Variants in HGD observed in about 807,000 individuals in gnomAD.
The protein encoded by HGD is homogentisate oxidase.
In HGD, 61 loss-of-function variants were observed where a neutral mutation model predicts 60.8. That is an observed-to-expected ratio of 1.00 (90% CI 0.82 to 1.24). HGD has a LOEUF of 1.24. HGD is among the 50% of genes most tolerant of loss of function. The pLI, the probability that HGD is intolerant of heterozygous loss-of-function variation, is 0.00. For missense variants in HGD, 542 were observed against 547.1 expected (o/e 0.99, Z 0.09); for synonymous variants, 212 against 187.7 (o/e 1.13, Z -1.06).
chr3:120,670,297 A>G lies in HGD; in HGVS notation c.282+130T>C. The G allele has an allele frequency of 1.4e-5, 10 of 700,346 alleles. No homozygotes were observed. In the South Asian group the frequency reaches 1.5e-4, roughly 11 times the overall value. The allele number at this position is 700,346 out of a possible 1,614,324, so 43.4% of individuals were successfully genotyped here. Reference sequence around the variant, plus strand: ...CCAAGTTTGAGCAGAAAACAGACACACTTTAGCATTTATTAAAATAATACT... The same window carrying G: ...CCAAGTTTGAGCAGAAAACAGACACGCTTTAGCATTTATTAAAATAATACT... On this transcript the variant is annotated intron_variant, in intron 4 of 13. Transcript: ENST00000283871.
intron 1 of HGD, among the ~76,000 whole-genome samples, chr3:120,678,401 T>C (rs972116438): frequency 6.6e-6 from 1 of 152,202 alleles, no homozygotes; most frequent in Non-Finnish European, 1.5e-5. Flanking sequence ...GCATTGTTTC[T>C]CTCTGCAAGA....
intron 4 of HGD, among the ~76,000 whole-genome samples, chr3:120,667,151 C>T (rs1707916169): frequency 6.6e-6 from 1 of 151,218 alleles, no homozygotes. Flanking sequence ...ATGGTAAAAC[C>T]CTTTCTCTAC....
chr3:120,638,353 T>A, intron 12 of HGD, 102 bp downstream of exon 12: 1 of 1,390,064 alleles, frequency 7.2e-7, no homozygotes, highest in Non-Finnish European at 1.0e-6. Flanking sequence ...CATGCCATGG[T>A]GGGTGTCCAG....
At chr3:120,660,889 A>G (rs539064070) in intron 4 of HGD, among the ~76,000 whole-genome samples, 2 of 152,202 alleles carry the variant, frequency 1.3e-5, no homozygotes, top group Non-Finnish European at 2.9e-5. Context: ...TTGGATTCTC[A>G]TTTGACCTTG....
At chr3:120,647,679 G>A (rs1052922828) in intron 7 of HGD, among the ~76,000 whole-genome samples, 198 bp downstream of exon 7, 11 of 152,182 alleles carry the variant, frequency 7.2e-5, no homozygotes, top group Non-Finnish European at 1.6e-4. Context: ...GAGAGACAAG[G>A]AAATAGAGTA....
In HGD at chr3:120,670,489, C is replaced by G; in HGVS notation, c.220G>C (p.Glu74Gln). The change falls in exon 4 of 14, where the codon GAA becomes CAA. Residue 74 changes from glutamate to glutamine, a missense_variant. Transcript: ENST00000283871. ...GTGACTTGGCCTTCGTCAATGGATT[C>G]AAAGGGCTTGTGAGAAACTGAAGGT... ...ILPSVSHKPF[E>Q]SIDEGQVTHN... The G allele has an allele frequency of 6.2e-7, 1 of 1,611,110 alleles. No homozygotes were observed.
intron 1 of HGD, chr3:120,678,108 C>T (rs1708166839): frequency 6.6e-6 from 1 of 152,126 alleles, no homozygotes; most frequent in Non-Finnish European, 1.5e-5. Context: ...TTTGTCAACA[C>T]AAAAAATACT....
intron 4 of HGD, among the ~76,000 whole-genome samples, chr3:120,669,013 C>G (rs1216558685): frequency 6.6e-6 from 1 of 152,106 alleles, no homozygotes; most frequent in East Asian, 1.9e-4. Flanking sequence ...ACTCTGCAAG[C>G]AGAGTACGTA....
At chr3:120,646,542 A>T (rs1941169966) in intron 8 of HGD, among the ~76,000 whole-genome samples, 176 bp from the exon 9 acceptor site, 1 of 152,170 alleles carries the variant, frequency 6.6e-6, no homozygotes, top group Non-Finnish European at 1.5e-5. Flanking sequence ...AGAAATTTTT[A>T]AAATTCAGTT....
At chr3:120,677,337 A>C (rs1481241042) in intron 1 of HGD, among the ~76,000 whole-genome samples, 1 of 152,194 alleles carries the variant, frequency 6.6e-6, no homozygotes, top group African/African-American at 2.4e-5. Flanking sequence ...ATATCGCTGA[A>C]TTCTTTTTCT....
chr3:120,630,068 A>G (rs182696290), intron 13 of HGD, among the ~76,000 whole-genome samples: 126 of 152,284 alleles, frequency 8.3e-4, no homozygotes, highest in Non-Finnish European at 1.6e-3. Context: ...CCCTAACCAG[A>G]GAGGTGAAAG....
chr3:120,642,633 T>C (rs992413946), intron 10 of HGD, among the ~76,000 whole-genome samples: 4 of 152,218 alleles, frequency 2.6e-5, no homozygotes, highest in Admixed American at 6.5e-5. Flanking sequence ...AAATACACAG[T>C]TGGACAGAAG....
chr3:120,680,894 A>T (rs1559805120), intron 1 of HGD, among the ~76,000 whole-genome samples: 1 of 152,220 alleles, frequency 6.6e-6, no homozygotes, highest in Non-Finnish European at 1.5e-5. Context: ...CAGTTTAGGT[A>T]CAGGCTCCTT....
chr3:120,663,753 A>C (rs570192346), intron 4 of HGD, among the ~76,000 whole-genome samples: 1 of 141,186 alleles, frequency 7.1e-6, no homozygotes, highest in Non-Finnish European at 1.5e-5. Flanking sequence ...AATGGAAAAA[A>C]TTCAAATATC....
At chr3:120,647,227 A>G (rs1236663755) in intron 7 of HGD, among the ~76,000 whole-genome samples, 175 bp from the exon 8 acceptor site, 2 of 152,214 alleles carry the variant, frequency 1.3e-5, no homozygotes, top group Non-Finnish European at 2.9e-5. Flanking sequence ...TTTCCTATCT[A>G]GAAGAATGTG....
intron 4 of HGD, 177 bp downstream of exon 4, chr3:120,670,250 T>G: frequency 1.6e-6 from 1 of 625,982 alleles, no homozygotes; most frequent in Non-Finnish European, 2.8e-6. Flanking sequence ...CATAGCAGCA[T>G]GAGAATGGAC....
At chr3:120,648,835 T>G (rs1455672284) in intron 6 of HGD, among the ~76,000 whole-genome samples, 1 of 152,198 alleles carries the variant, frequency 6.6e-6, no homozygotes. Context: ...AATTCAAATA[T>G]TTTACATATT....
rs1363311437 is a variant in HGD at position 120,646,381 on chromosome 3, A to T, written c.550-15T>A. Reference sequence around the variant, plus strand: ...CGCATTCCTCTCTGGAATGGAAAGCAGACACTGGTGTGCCCTCTGAAATCA... The same window carrying T: ...CGCATTCCTCTCTGGAATGGAAAGCTGACACTGGTGTGCCCTCTGAAATCA... On this transcript the variant is annotated splice_polypyrimidine_tract_variant and intron_variant, in intron 8 of 13. Transcript: ENST00000283871. 6.6e-7 allele frequency: 1 copy of T among 1,525,734 alleles called. No homozygotes were observed. Among genetic ancestry groups the T allele is most frequent in the South Asian group, 1.1e-5 (1 of 89,372 alleles). 94.5% of individuals were successfully genotyped at this position (1,525,734 alleles called of 1,614,324 possible). A position where few individuals can be genotyped will look rare whatever the true frequency, so the allele number is the denominator to read the frequency against.
intron 4 of HGD, among the ~76,000 whole-genome samples, chr3:120,654,487 G>A (rs1259560704): frequency 6.6e-6 from 1 of 152,178 alleles, no homozygotes; most frequent in African/African-American, 2.4e-5. Context: ...ATCATACTCA[G>A]AAAAGTCCAT....
Sources: gnomAD v4.1 joint callset for allele counts (sites outside exome capture counted in the v4.1 genomes callset) on GRCh38, gnomAD v4.1.1 for gene constraint, MANE v1.5 for transcripts, NCBI Gene and HGNC (gene_info 2026-07-23, HGNC 2026-07-21) for gene names.